The following DCTD variants were observed in gnomAD, a reference collection of about 807,000 sequenced individuals.
DCTD encodes deoxycytidylate deaminase.
A neutral mutation model predicts 21.0 loss-of-function variants in DCTD; 23 were observed. The observed-to-expected ratio is 1.09, with a 90% CI of 0.79 to 1.55. The LOEUF (loss-of-function observed/expected upper bound fraction) is 1.55. Ranked by LOEUF, DCTD falls within the 40% of genes most tolerant of loss-of-function variation. The pLI is 0.00. For missense variants in DCTD, 224 were observed against 230.0 expected, an observed-to-expected ratio of 0.97 and a Z score of 0.17; for synonymous variants, 71 against 81.1, an observed-to-expected ratio of 0.88 and a Z score of 0.67.
At position 182,897,617 on chromosome 4, in the gene DCTD, G is replaced by A. The variant is rs74623447; in HGVS notation, c.245-3012C>T. Among the ~76,000 whole-genome samples, 830 of 152,118 alleles carry A rather than the reference G, an allele frequency of 5.5e-3. 8 individuals carry two copies. Among genetic ancestry groups the A allele is most frequent in the African/African-American group, 0.019 (790 of 41,498 alleles). ...AGGAACAATCCAAAATCCCACATACGCAAAAGTGGACACTGACAAGCAGGA... is the reference window on the plus strand; with the variant it reads ...AGGAACAATCCAAAATCCCACATACACAAAAGTGGACACTGACAAGCAGGA... On this transcript the variant is annotated intron_variant, in intron 3 of 5. Coordinates refer to ENST00000438320, the MANE Select transcript of DCTD (RefSeq NM_001921.3).
intron 3 of DCTD, among the ~76,000 whole-genome samples, chr4:182,902,462 A>G (rs1735908323): frequency 6.6e-6 from 1 of 152,206 alleles, no homozygotes; most frequent in South Asian, 2.1e-4. Context: ...TCTCTAAGAT[A>G]GTTCCACCAG....
intron 3 of DCTD, among the ~76,000 whole-genome samples, chr4:182,897,511 T>C (rs1373320064): frequency 1.3e-5 from 2 of 149,658 alleles, no homozygotes; most frequent in East Asian, 3.9e-4. Context: ...AGCACCCATA[T>C]ATATATATAT....
chr4:182,913,814 A>C (rs966441346), intron 3 of DCTD, among the ~76,000 whole-genome samples: 1 of 152,206 alleles, frequency 6.6e-6, no homozygotes, highest in Admixed American at 6.5e-5. Context: ...TGCAAGGAAA[A>C]GTAAAGCTAT....
chr4:182,894,638 T>C (rs754968340), intron 3 of DCTD, 33 bp from the exon 4 acceptor site: 1 of 1,391,400 alleles, frequency 7.2e-7, no homozygotes, highest in Admixed American at 1.7e-5. Context: ...AGAAAAACTT[T>C]GGTTGCAGCT....
chr4:182,904,873 T>C lies in DCTD; in HGVS notation c.244+10050A>G, dbSNP rs541617927. Among the ~76,000 whole-genome samples, 16 of 152,272 alleles carry C rather than the reference T, an allele frequency of 1.1e-4. No individual in the cohort carries two copies. The South Asian group carries it at 3.3e-3, about 32-fold the overall frequency. On this transcript the variant is annotated intron_variant, in intron 3 of 5. Coordinates refer to ENST00000438320, the MANE Select transcript of DCTD (RefSeq NM_001921.3). ...CTTCCTCTTATTATCAACCAGGGTG[T>C]CTGAGAGACCGATCCTCACAGCCTT...
At chr4:182,892,228 C>T (rs936579918) in intron 5 of DCTD, among the ~76,000 whole-genome samples, 7 of 152,208 alleles carry the variant, frequency 4.6e-5, no homozygotes, top group South Asian at 2.1e-4. Context: ...TACCATGAAG[C>T]GCTGGAAAAC....
Position 182,917,053 on chromosome 4 carries a change from T to C in DCTD, c.-8+258A>G. 2 of 986,528 alleles carry C rather than the reference T, an allele frequency of 2.0e-6. No homozygotes were observed. Among genetic ancestry groups the C allele is most frequent in the Non-Finnish European group, 2.4e-6 (2 of 831,268 alleles). 61.1% of individuals were successfully genotyped at this position (986,528 alleles called of 1,614,324 possible). ...CGCCCAGCACCACCTCCCGGGGCAC[T>C]CCAAGGGGCCCGGCCTCGCACAGGC... On this transcript the variant is annotated intron_variant, in intron 1 of 5. Coordinates refer to ENST00000438320, the MANE Select transcript of DCTD (RefSeq NM_001921.3). This position sits in a 1 kb window ranked among gnomAD's most constrained non-coding sequence, Gnocchi z 4.9.
chr4:182,910,340 T>C (rs1401730754), intron 3 of DCTD, among the ~76,000 whole-genome samples: 1 of 152,210 alleles, frequency 6.6e-6, no homozygotes. Flanking sequence ...AACTCTCTAA[T>C]TTGTAAACTA....
At chr4:182,907,467 C>A (rs1290143859) in intron 3 of DCTD, among the ~76,000 whole-genome samples, 3 of 152,148 alleles carry the variant, frequency 2.0e-5, no homozygotes, top group Non-Finnish European at 4.4e-5. Flanking sequence ...TGTTATCCAA[C>A]CTTTTCTCAT....
intron 3 of DCTD, among the ~76,000 whole-genome samples, chr4:182,912,215 C>T (rs1000392908): frequency 1.3e-5 from 2 of 151,536 alleles, no homozygotes; most frequent in South Asian, 4.2e-4. Context: ...ACATCCCAGG[C>T]AATCCAAACA....
Position 182,905,454 on chromosome 4 carries a change from A to C in DCTD, c.244+9469T>G, listed in dbSNP as rs570810238. On this transcript the variant is annotated intron_variant, in intron 3 of 5. Transcript: ENST00000438320. ...AGCAATTCTCCTGCCTCAGCCTCCCAAGTAGCTGGGACTACAGGCACGCAC... is the reference window on the plus strand; with the variant it reads ...AGCAATTCTCCTGCCTCAGCCTCCCCAGTAGCTGGGACTACAGGCACGCAC... Among the ~76,000 whole-genome samples, 4 of 150,802 alleles carry C rather than the reference A, an allele frequency of 2.7e-5. No homozygotes were observed. In the South Asian group the frequency reaches 8.4e-4, roughly 32 times the overall value.
At chr4:182,896,082 G>A (rs1200497959) in intron 3 of DCTD, among the ~76,000 whole-genome samples, 1 of 152,206 alleles carries the variant, frequency 6.6e-6, no homozygotes, top group Non-Finnish European at 1.5e-5. Flanking sequence ...TCTCCAGCCT[G>A]CCAACCTTCT....
At chr4:182,895,398 C>CA (rs1318016798) in intron 3 of DCTD, among the ~76,000 whole-genome samples, 1 of 152,218 alleles carries the variant, frequency 6.6e-6, no homozygotes, top group Admixed American at 6.5e-5. Context: ...GAAAAACATT[C>CA]ATCCACTTAA....
At chr4:182,901,637 G>A (rs559301624) in intron 3 of DCTD, among the ~76,000 whole-genome samples, 35 of 152,248 alleles carry the variant, frequency 2.3e-4, no homozygotes, top group African/African-American at 7.7e-4. Context: ...GTCAGGACTC[G>A]AGCTAAGAAG....
chr4:182,907,512 C>G (rs1736939723), intron 3 of DCTD, among the ~76,000 whole-genome samples: 1 of 152,108 alleles, frequency 6.6e-6, no homozygotes, highest in African/African-American at 2.4e-5. Context: ...TGTGGAGTAA[C>G]CTACAGTCTG....
rs1242239871 is a variant in DCTD, at chr4:182,917,091, C to G, written c.-8+220G>C. On this transcript the variant is annotated intron_variant, in intron 1 of 5. Coordinates refer to ENST00000438320, the MANE Select transcript of DCTD (RefSeq NM_001921.3). The surrounding 1 kb of genome is among the most constrained non-coding windows in gnomAD (Gnocchi z 4.9). The stretch of plus-strand genomic sequence containing the variant: ...GCCTCGCACAGGCCGCGGCGCCCGC[C>G]GAGAAATCGACCCTGGAGTGACTGC... The G allele has an allele frequency of 1.0e-6, 1 of 987,756 alleles. No individual in the cohort carries two copies. Among genetic ancestry groups the G allele is most frequent in the East Asian group, 1.1e-4 (1 of 8,830 alleles). The allele number at this position is 987,756 out of a possible 1,614,324, so 61.2% of individuals were successfully genotyped here.
At position 182,915,001 on chromosome 4, in the gene DCTD, T is replaced by C; in HGVS notation, c.166A>G (p.Met56Val). The change falls in exon 3 of 6, where the codon ATG (methionine) becomes GTG (valine). Residue 56 changes from methionine to valine, a missense_variant. Physicochemically the swap from Met to Val is conservative, Grantham distance 21. Transcript: ENST00000438320. ...NKIVGIGYNGMPNGCSDDVLP... is the reference protein window; with the variant it reads ...NKIVGIGYNGVPNGCSDDVLP... Reference sequence around the variant, plus strand: ...ACGTCATCACTGCACCCATTTGGCATCCCATTGTACCCAATCCCGACAATC... The same window carrying C: ...ACGTCATCACTGCACCCATTTGGCACCCCATTGTACCCAATCCCGACAATC... The C allele has an allele frequency of 6.2e-7, 1 of 1,614,158 alleles. No homozygotes were observed. Among genetic ancestry groups the C allele is most frequent in the Non-Finnish European group, 8.5e-7 (1 of 1,180,028 alleles).
At chr4:182,915,720 G>A in intron 1 of DCTD, 145 bp from the exon 2 acceptor site, 2 of 766,858 alleles carry the variant, frequency 2.6e-6, no homozygotes, top group African/African-American at 3.4e-5. Context: ...CACAGCACAT[G>A]GGCCCTAAAC....
intron 3 of DCTD, among the ~76,000 whole-genome samples, chr4:182,909,021 A>C (rs573179631): frequency 5.3e-5 from 8 of 152,346 alleles, no homozygotes; most frequent in African/African-American, 1.9e-4. Context: ...GGGTAGGTCC[A>C]ATCCCCAAAC....
Sources: allele counts gnomAD v4.1 joint callset (sites outside exome capture counted in the v4.1 genomes callset), GRCh38; gene constraint gnomAD v4.1.1; non-coding constraint Gnocchi (gnomAD v3.1); transcripts MANE v1.5; gene names NCBI Gene and HGNC (gene_info 2026-07-23, HGNC 2026-07-21).